Variants in DPP10 observed in about 807,000 individuals in gnomAD.
DPP10 encodes the protein inactive dipeptidyl peptidase 10.
In DPP10, 33 loss-of-function variants were observed where a neutral mutation model predicts 120.9. The ratio of observed to expected loss-of-function variants is 0.27; its 90% CI spans 0.21 to 0.37. DPP10 has a LOEUF of 0.37. Ranked by LOEUF, DPP10 falls within the 10% of genes least tolerant of loss-of-function variation. DPP10 has a pLI of 1.00. For missense variants in DPP10, 816 were observed against 942.8 expected, an observed-to-expected ratio of 0.87 and a Z score of 1.76; for synonymous variants, 337 against 326.1, an observed-to-expected ratio of 1.03 and a Z score of -0.36.
At chr2:114,753,778 G>A (rs1421898272) in intron 1 of DPP10, among the ~76,000 whole-genome samples, 3 of 151,496 alleles carry the variant, frequency 2.0e-5, no homozygotes, top group East Asian at 1.9e-4. Flanking sequence ...GCGTGGTGGC[G>A]GGCGACTGTA....
At chr2:115,380,241 T>C (rs1459680489) in intron 3 of DPP10, among the ~76,000 whole-genome samples, 1 of 152,220 alleles carries the variant, frequency 6.6e-6, no homozygotes, top group Non-Finnish European at 1.5e-5. Flanking sequence ...TGCTCCTGTA[T>C]TGGGTGCATA....
intron 3 of DPP10, among the ~76,000 whole-genome samples, chr2:115,490,527 T>C (rs765765656): frequency 6.6e-6 from 1 of 152,160 alleles, no homozygotes; most frequent in Non-Finnish European, 1.5e-5. Context: ...CTCCCTAAAA[T>C]GTGTAAAACC....
intron 1 of DPP10, among the ~76,000 whole-genome samples, chr2:114,830,537 C>T (rs1041359921): frequency 1.3e-5 from 2 of 152,156 alleles, no homozygotes; most frequent in African/African-American, 2.4e-5. Context: ...CTTACATGTA[C>T]GTAAATGTGC....
rs948472343 is a variant in DPP10 at position 115,146,362 on chromosome 2, A to G, written c.61-162877A>G. On this transcript the variant is annotated intron_variant, in intron 1 of 25. Coordinates refer to ENST00000410059, the MANE Select transcript of DPP10 (RefSeq NM_020868.6). Reference sequence around the variant, plus strand: ...ATACTACCATTCTAGGATTACTCGAAGTCCAAGTAGCAGTTTTGATACTTT... The same window carrying G: ...ATACTACCATTCTAGGATTACTCGAGGTCCAAGTAGCAGTTTTGATACTTT... 2.0e-5 allele frequency among the ~76,000 whole-genome samples: 3 copies of G among 152,144 alleles called. No homozygotes were observed. The South Asian group carries it at 6.2e-4, about 32-fold the overall frequency.
intron 3 of DPP10, among the ~76,000 whole-genome samples, chr2:115,451,888 GTGTGTGTGTGTGTC>G (rs70941062): frequency 0.83 from 125,379 of 151,616 alleles, 54,889 homozygotes; most frequent in Non-Finnish European, 0.97. Context: ...ATGTGTTTGT[GTGTGTGTGTGTGTC>G]TGTGTCTGTG....
At chr2:115,560,055 T>A (rs2080466246) in intron 5 of DPP10, among the ~76,000 whole-genome samples, 1 of 151,750 alleles carries the variant, frequency 6.6e-6, no homozygotes, top group Non-Finnish European at 1.5e-5. Flanking sequence ...AGACTTGAGG[T>A]CGCCGTTCAA....
chr2:115,331,351 A>G (rs529767029), intron 2 of DPP10, among the ~76,000 whole-genome samples: 3 of 152,184 alleles, frequency 2.0e-5, no homozygotes, highest in Non-Finnish European at 4.4e-5. Flanking sequence ...CTAAATATAC[A>G]ATGATGTCAT....
chr2:114,450,976 C>G (rs556169907), intron 1 of DPP10, among the ~76,000 whole-genome samples: 1 of 152,248 alleles, frequency 6.6e-6, no homozygotes, highest in East Asian at 1.9e-4. Context: ...AAAAACACCA[C>G]TTCTCCCAAC....
chr2:115,373,206 C>T (rs971338193), intron 3 of DPP10, among the ~76,000 whole-genome samples: 1 of 152,170 alleles, frequency 6.6e-6, no homozygotes, highest in Non-Finnish European at 1.5e-5. Context: ...ATGTCAAACA[C>T]TCAGATAATA....
chr2:115,040,782 T>C (rs116688797), intron 1 of DPP10, among the ~76,000 whole-genome samples: 2,510 of 152,196 alleles, frequency 0.016, 66 homozygotes, highest in African/African-American at 0.058. Flanking sequence ...ATGGGCCATG[T>C]AAGATGAGCT....
At position 115,066,396 on chromosome 2, in the gene DPP10, AT is replaced by A. The variant is rs1559052941; in HGVS notation, c.61-242842del. Among the ~76,000 whole-genome samples the A allele has an allele frequency of 2.6e-5, 4 of 152,070 alleles. No homozygotes were observed. The East Asian group carries it at 7.7e-4, about 29-fold the overall frequency. ...AGATTATGCAAAAAAATGAGAAAAAATAAAAATATGAAAATGCTTAATTCAG... is the reference window on the plus strand; with the variant it reads ...AGATTATGCAAAAAAATGAGAAAAAAAAAAATATGAAAATGCTTAATTCAG... On this transcript the variant is annotated intron_variant, in intron 1 of 25. Transcript: ENST00000410059.
At chr2:115,453,303 CTTTT>C (rs757094510) in intron 3 of DPP10, among the ~76,000 whole-genome samples, 62 of 151,470 alleles carry the variant, frequency 4.1e-4, no homozygotes, top group Middle Eastern at 8.4e-3. Context: ...TTGGCATACT[CTTTT>C]TTTATTCTTT....
chr2:115,072,556 C>T lies in DPP10; in HGVS notation c.61-236683C>T, dbSNP rs1707454527. ...ATCTTCAGAAAATTGTGCTCCAGTG[C>T]TATTACTGAATTAACACTTTGCTTA... On this transcript the variant is annotated intron_variant, in intron 1 of 25. Coordinates refer to ENST00000410059, the MANE Select transcript of DPP10 (RefSeq NM_020868.6). 2.0e-5 allele frequency among the ~76,000 whole-genome samples: 3 copies of T among 152,072 alleles called. No individual in the cohort carries two copies. In the South Asian group the frequency reaches 6.2e-4, roughly 31 times the overall value.
intron 1 of DPP10, among the ~76,000 whole-genome samples, chr2:114,697,013 A>C (rs1700108405): frequency 6.6e-6 from 1 of 152,064 alleles, no homozygotes; most frequent in African/African-American, 2.4e-5. Context: ...TGTCATATTA[A>C]TTCTCTCTTT....
chr2:115,001,438 A>T (rs1047519275), intron 1 of DPP10, among the ~76,000 whole-genome samples: 3 of 152,204 alleles, frequency 2.0e-5, no homozygotes, highest in Admixed American at 6.5e-5. Context: ...CACAGCCAAC[A>T]TCATTCTGAA....
chr2:115,368,052 A>G (rs912518923), intron 3 of DPP10, among the ~76,000 whole-genome samples: 7 of 152,152 alleles, frequency 4.6e-5, no homozygotes, highest in African/African-American at 1.7e-4. Flanking sequence ...GCACACCTTT[A>G]TTTTAGCCTT....
At chr2:114,480,446 G>T (rs1409217489) in intron 1 of DPP10, among the ~76,000 whole-genome samples, 2 of 152,020 alleles carry the variant, frequency 1.3e-5, no homozygotes, top group Admixed American at 6.6e-5. Flanking sequence ...GCAAAGACTT[G>T]GAACCGACCC....
chr2:115,015,743 T>C (rs1702586984), intron 1 of DPP10, among the ~76,000 whole-genome samples: 1 of 152,108 alleles, frequency 6.6e-6, no homozygotes, highest in Non-Finnish European at 1.5e-5. Flanking sequence ...TGAACTCCAA[T>C]TCACAATTGC....
chr2:114,855,220 A>T (rs1011430268), intron 1 of DPP10, among the ~76,000 whole-genome samples: 1 of 152,200 alleles, frequency 6.6e-6, no homozygotes, highest in Non-Finnish European at 1.5e-5. Context: ...CAATTGTAGA[A>T]CTTTATTGAG....
Sources: allele counts gnomAD v4.1 joint callset (sites outside exome capture counted in the v4.1 genomes callset), GRCh38; gene constraint gnomAD v4.1.1; transcripts MANE v1.5; gene names NCBI Gene and HGNC (gene_info 2026-07-23, HGNC 2026-07-21).